The following SH3PXD2A variants were observed in gnomAD, a reference collection of about 807,000 sequenced individuals.
SH3PXD2A encodes the protein SH3 and PX domains 2A, also known as SH3 and PX domain-containing protein 2A.
A neutral mutation model predicts 115.2 loss-of-function variants in SH3PXD2A; 32 were observed. That is an observed-to-expected ratio of 0.28 (90% confidence interval 0.21 to 0.37). The LOEUF (loss-of-function observed/expected upper bound fraction) is 0.37, where lower values mean the gene tolerates loss of function less well. Among genes scored for constraint, SH3PXD2A ranks in the 10% least tolerant of loss-of-function variants. The probability of loss-of-function intolerance (pLI) is 1.00; values close to 1 mark genes in which losing one functional copy is unlikely to be tolerated. For missense variants in SH3PXD2A, 1,328 were observed against 1,498.7 expected (o/e 0.89, Z 1.88); for synonymous variants, 610 against 629.1 (o/e 0.97, Z 0.45).
At chr10:103,719,327 C>T (rs1003681431) in intron 5 of SH3PXD2A, among the ~76,000 whole-genome samples, 1 of 152,212 alleles carries the variant, frequency 6.6e-6, no homozygotes, top group African/African-American at 2.4e-5. Context: ...TGGTTAGAAC[C>T]GTAGGTCTGG....
At chr10:103,615,188 C>G (rs569685974) in intron 11 of SH3PXD2A, among the ~76,000 whole-genome samples, 24 of 152,312 alleles carry the variant, frequency 1.6e-4, no homozygotes, top group African/African-American at 5.8e-4. Flanking sequence ...AGAGAAAAGA[C>G]AAAGATGAGC....
At chr10:103,728,885 G>GTTTTTTTTTTT (rs1170237835) in intron 4 of SH3PXD2A, among the ~76,000 whole-genome samples, 1 of 99,144 alleles carries the variant, frequency 1.0e-5, no homozygotes, top group African/African-American at 4.9e-5. Context: ...TGTTTTTTTT[G>GTTTTTTTTTTT]TTTGTTTGTT....
intron 13 of SH3PXD2A, chr10:103,608,703 A>G (rs968336916): frequency 6.6e-6 from 1 of 151,962 alleles, no homozygotes; most frequent in Non-Finnish European, 1.5e-5. Flanking sequence ...CCTGGGCTCA[A>G]GCAATCCTCC....
At chr10:103,730,595 T>C (rs1362267757) in intron 4 of SH3PXD2A, among the ~76,000 whole-genome samples, 1 of 152,172 alleles carries the variant, frequency 6.6e-6, no homozygotes, top group Non-Finnish European at 1.5e-5. Context: ...TAATTCTTGG[T>C]AGCAGTTTAA....
chr10:103,749,744 TA>T (rs1453916899), intron 3 of SH3PXD2A: 1 of 152,344 alleles, frequency 6.6e-6, no homozygotes, highest in Non-Finnish European at 1.5e-5. Flanking sequence ...GGCTAGATTA[TA>T]AAAACATTGT....
intron 5 of SH3PXD2A, among the ~76,000 whole-genome samples, chr10:103,715,963 A>C (rs1009458434): frequency 1.8e-4 from 27 of 152,190 alleles, no homozygotes; most frequent in African/African-American, 6.5e-4. Context: ...TGTCCCCCTC[A>C]CTGGACTCCC....
intron 1 of SH3PXD2A, among the ~76,000 whole-genome samples, chr10:103,808,386 GC>G (rs2039229808): frequency 1.3e-5 from 2 of 152,208 alleles, no homozygotes; most frequent in Non-Finnish European, 2.9e-5. Context: ...TGACTAGCTG[GC>G]ATTGCAGGTG....
At chr10:103,810,524 A>T (rs2039255621) in intron 1 of SH3PXD2A, among the ~76,000 whole-genome samples, 1 of 152,188 alleles carries the variant, frequency 6.6e-6, no homozygotes, top group South Asian at 2.1e-4. Flanking sequence ...ATGGATTTGA[A>T]TTTCAATCCA....
At chr10:103,722,642 C>T (rs1447076047) in intron 5 of SH3PXD2A, among the ~76,000 whole-genome samples, 5 of 149,380 alleles carry the variant, frequency 3.3e-5, no homozygotes, top group Admixed American at 6.7e-5. Flanking sequence ...TAAGATTCAT[C>T]CCTGTTTCTC....
chr10:103,685,203 G>A (rs758329274), intron 6 of SH3PXD2A, among the ~76,000 whole-genome samples: 1 of 152,032 alleles, frequency 6.6e-6, no homozygotes, highest in Non-Finnish European at 1.5e-5. Flanking sequence ...GCTGGGCATG[G>A]TGGCGGACGC....
At chr10:103,671,769 G>C (rs578068614) in intron 6 of SH3PXD2A, among the ~76,000 whole-genome samples, 2 of 152,304 alleles carry the variant, frequency 1.3e-5, no homozygotes, top group Admixed American at 6.5e-5. Context: ...AGGAGCAGTG[G>C]GGGGGAGGCG....
intron 1 of SH3PXD2A, among the ~76,000 whole-genome samples, chr10:103,803,603 AG>A (rs1219404672): frequency 6.6e-6 from 1 of 152,228 alleles, no homozygotes; most frequent in Non-Finnish European, 1.5e-5. Flanking sequence ...ACAGAGCAAA[AG>A]ATTTGAACCC....
At chr10:103,740,519 G>A (rs1342388891) in intron 3 of SH3PXD2A, among the ~76,000 whole-genome samples, 2 of 152,158 alleles carry the variant, frequency 1.3e-5, no homozygotes, top group African/African-American at 4.8e-5. Context: ...AGAATCACCA[G>A]ACACAGTACC....
intron 8 of SH3PXD2A, among the ~76,000 whole-genome samples, chr10:103,628,716 C>T (rs1016620242): frequency 2.0e-5 from 3 of 152,168 alleles, no homozygotes; most frequent in Non-Finnish European, 2.9e-5. Flanking sequence ...AGACCACAAC[C>T]TTCTCTTATG....
At chr10:103,660,716 C>G (rs1340691212) in intron 8 of SH3PXD2A, among the ~76,000 whole-genome samples, 1 of 152,240 alleles carries the variant, frequency 6.6e-6, no homozygotes, top group Non-Finnish European at 1.5e-5. Flanking sequence ...GCAGGGCTGG[C>G]CATTTATTCC....
At chr10:103,672,777 CAA>C (rs533937841) in intron 6 of SH3PXD2A, among the ~76,000 whole-genome samples, 283 of 152,300 alleles carry the variant, frequency 1.9e-3, no homozygotes, top group Admixed American at 4.4e-3. Flanking sequence ...CCTCTGGACA[CAA>C]AGAGGAGTAA....
At chr10:103,625,841 C>T (rs2036683174) in intron 9 of SH3PXD2A, among the ~76,000 whole-genome samples, 1 of 152,216 alleles carries the variant, frequency 6.6e-6, no homozygotes, top group African/African-American at 2.4e-5. Flanking sequence ...AGTGAGCTGA[C>T]ATTGTGCCAC....
At chr10:103,647,535 C>T (rs2037053428) in intron 8 of SH3PXD2A, among the ~76,000 whole-genome samples, 1 of 152,186 alleles carries the variant, frequency 6.6e-6, no homozygotes, top group Admixed American at 6.5e-5. Flanking sequence ...TCCAAGGAGG[C>T]AAGTTTGTGT....
intron 12 of SH3PXD2A, 39 bp downstream of exon 12, chr10:103,612,814 G>A (rs2133930949): frequency 7.0e-7 from 1 of 1,427,572 alleles, no homozygotes; most frequent in South Asian, 1.4e-5. Flanking sequence ...TCTCTAAGGA[G>A]CTTTGCAGTG....
Sources: gnomAD v4.1 joint callset for allele counts (sites outside exome capture counted in the v4.1 genomes callset) on GRCh38, gnomAD v4.1.1 for gene constraint, MANE v1.5 for transcripts, NCBI Gene and HGNC (gene_info 2026-07-23, HGNC 2026-07-21) for gene names.